STAM2: variants seen among roughly 807,000 people sequenced by gnomAD.
STAM2 encodes signal transducing adapter molecule 2.
Under a neutral mutation model 65.6 loss-of-function variants are expected in STAM2, and 51 were observed. That is an observed-to-expected ratio of 0.78 (90% confidence interval 0.62 to 0.98). The LOEUF is 0.98. Among genes scored for constraint, STAM2 ranks in the 50% least tolerant of loss-of-function variants. The pLI is 0.00. For synonymous variants in STAM2, 198 were observed against 208.4 expected (o/e 0.95, Z 0.43); for missense variants, 584 against 617.8 (o/e 0.95, Z 0.58).
At chr2:152,149,424 C>A in intron 2 of STAM2, among the ~76,000 whole-genome samples, 1 of 151,470 alleles carries the variant, frequency 6.6e-6, no homozygotes, top group East Asian at 1.9e-4. Flanking sequence ...TTAAGGACAC[C>A]AACACCCCAC....
At chr2:152,147,734 T>C (rs1162151637) in intron 4 of STAM2, among the ~76,000 whole-genome samples, 4 of 152,164 alleles carry the variant, frequency 2.6e-5, no homozygotes, top group South Asian at 4.1e-4. Context: ...AATCTAATGC[T>C]CCAAGGGTAG....
intron 1 of STAM2, among the ~76,000 whole-genome samples, chr2:152,160,832 T>G (rs1338997646): frequency 6.0e-5 from 8 of 133,822 alleles, no homozygotes; most frequent in South Asian, 2.5e-4. Flanking sequence ...GGTGGGGGGG[T>G]CAGCCCCCCA....
At chr2:152,156,460 T>C (rs1441011729) in intron 1 of STAM2, among the ~76,000 whole-genome samples, 1 of 152,202 alleles carries the variant, frequency 6.6e-6, no homozygotes, top group Non-Finnish European at 1.5e-5. Context: ...TGGGGCCCTA[T>C]ATCACATTAT....
intron 11 of STAM2, among the ~76,000 whole-genome samples, chr2:152,128,022 C>T (rs4471888): frequency 0.99 from 151,269 of 152,314 alleles, 75,134 homozygotes; most frequent in Middle Eastern, 1. Flanking sequence ...GTCACTTTTC[C>T]TCTACTAGAG....
chr2:152,152,434 A>T (rs935065787), intron 1 of STAM2, among the ~76,000 whole-genome samples: 1 of 152,036 alleles, frequency 6.6e-6, no homozygotes, highest in African/African-American at 2.4e-5. Flanking sequence ...CTGTAGTCCC[A>T]GCTACTCGGA....
chr2:152,132,611 C>A (rs949331408), intron 10 of STAM2, among the ~76,000 whole-genome samples: 2 of 152,074 alleles, frequency 1.3e-5, no homozygotes, highest in Admixed American at 1.3e-4. Context: ...CAATAAAGAG[C>A]ACAACGCTGT....
rs1579321108 is a variant in STAM2 at position 152,143,936 on chromosome 2, A to T, written c.595T>A (p.Leu199Ile). 1 of 1,613,854 alleles carries T rather than the reference A, an allele frequency of 6.2e-7. No individual in the cohort carries two copies. The highest frequency in any genetic ancestry group is 8.5e-7 in the Non-Finnish European group (1 of 1,179,868). The change falls in exon 7 of 14, where the codon TTA (leucine) becomes ATA (isoleucine). Residue 199 changes from leucine to isoleucine, a missense_variant. Coordinates refer to ENST00000263904, the MANE Select transcript of STAM2 (RefSeq NM_005843.6). ...KSLYPSSEIQ[L>I]NNKVARKVRA... The stretch of plus-strand genomic sequence containing the variant: ...ACTTTCCGTGCAACCTTATTATTTA[A>T]CTGAATTTCTGAAGATGGATATAAG...
At chr2:152,154,550 C>T (rs989075941) in intron 1 of STAM2, among the ~76,000 whole-genome samples, 7 of 152,020 alleles carry the variant, frequency 4.6e-5, no homozygotes, top group Non-Finnish European at 8.8e-5. Flanking sequence ...CCTGGGAGGT[C>T]GAGGTTGCAG....
At chr2:152,165,245 G>A (rs1020690614) in intron 1 of STAM2, among the ~76,000 whole-genome samples, 3 of 151,850 alleles carry the variant, frequency 2.0e-5, no homozygotes, top group Admixed American at 6.6e-5. Flanking sequence ...CTAACACAGC[G>A]AAACCTCGTC....
At chr2:152,164,570 G>A (rs558330855) in intron 1 of STAM2, among the ~76,000 whole-genome samples, 65 of 152,256 alleles carry the variant, frequency 4.3e-4, no homozygotes, top group South Asian at 2.1e-3. Flanking sequence ...TCAAATTCCC[G>A]ACCTCAGGTG....
intron 1 of STAM2, among the ~76,000 whole-genome samples, chr2:152,159,214 G>A (rs1689613356): frequency 6.6e-6 from 1 of 150,910 alleles, no homozygotes; most frequent in Non-Finnish European, 1.5e-5. Context: ...GCTGGGGTGG[G>A]AGGATTCCTT....
intron 11 of STAM2, among the ~76,000 whole-genome samples, chr2:152,129,454 T>C (rs1464598582): frequency 6.6e-6 from 1 of 152,234 alleles, no homozygotes. Flanking sequence ...CTGGCCTCAA[T>C]CTGACTTCTA....
chr2:152,126,032 T>C (rs2105529208), intron 12 of STAM2, 194 bp downstream of exon 12: 1 of 432,594 alleles, frequency 2.3e-6, no homozygotes, highest in South Asian at 6.3e-5. Context: ...AATGTATTTG[T>C]GAAATATCAG....
intron 7 of STAM2, among the ~76,000 whole-genome samples, chr2:152,138,193 C>T (rs1689188940): frequency 6.6e-6 from 1 of 151,998 alleles, no homozygotes; most frequent in Admixed American, 6.6e-5. Context: ...GGTTTCTTCC[C>T]TATGAACATG....
At chr2:152,143,699 T>C in intron 7 of STAM2, 128 bp downstream of exon 7, 1 of 622,824 alleles carries the variant, frequency 1.6e-6, no homozygotes, top group South Asian at 4.0e-5. Flanking sequence ...ACTTTTATTT[T>C]AGAAAAAACA....
At chr2:152,123,637 A>C in intron 13 of STAM2, 129 bp downstream of exon 13, 1 of 938,638 alleles carries the variant, frequency 1.1e-6, no homozygotes, top group Non-Finnish European at 1.6e-6. Flanking sequence ...CTAAGGTAAC[A>C]CCATTCCACT....
rs150550575 is a variant in STAM2, at chr2:152,139,841, A to G, written c.704+3986T>C. Among the ~76,000 whole-genome samples the G allele has an allele frequency of 5.5e-4, 84 of 152,146 alleles. 2 individuals carry two copies. The East Asian group carries it at 0.014, about 24-fold the overall frequency. ...AAAGATAAACAAAAATGACAATAGA[A>G]CAACAAAAAAAATTTTTAATACAAT... On this transcript the variant is annotated intron_variant, in intron 7 of 13. Coordinates refer to ENST00000263904, the MANE Select transcript of STAM2 (RefSeq NM_005843.6).
chr2:152,156,367 T>A (rs1689546636), intron 1 of STAM2, among the ~76,000 whole-genome samples: 1 of 152,170 alleles, frequency 6.6e-6, no homozygotes, highest in Admixed American at 6.5e-5. Context: ...ATTATGCACT[T>A]AGGAGTATTT....
At chr2:152,171,350 T>C (rs1328899275) in intron 1 of STAM2, among the ~76,000 whole-genome samples, 1 of 152,140 alleles carries the variant, frequency 6.6e-6, no homozygotes. Context: ...AGCTACAAAA[T>C]ATATTAGAAA....
Sources: gnomAD v4.1 joint callset for allele counts (sites outside exome capture counted in the v4.1 genomes callset) on GRCh38, gnomAD v4.1.1 for gene constraint, MANE v1.5 for transcripts, NCBI Gene and HGNC (gene_info 2026-07-23, HGNC 2026-07-21) for gene names.